The following CA5B variants were observed in gnomAD, a reference collection of about 807,000 sequenced individuals.
CA5B encodes carbonic anhydrase 5B, also known as carbonic anhydrase 5B, mitochondrial.
Under a neutral mutation model 23.1 loss-of-function variants are expected in CA5B, and 15 were observed. That is an observed-to-expected ratio of 0.65 (90% CI 0.43 to 1.00). The LOEUF (loss-of-function observed/expected upper bound fraction) is 1.00, where lower values mean the gene tolerates loss of function less well. CA5B is among the 50% of genes least tolerant of loss of function. The probability of loss-of-function intolerance (pLI) is 0.00; values close to 1 mark genes in which losing one functional copy is unlikely to be tolerated. For missense variants in CA5B, 236 were observed against 252.2 expected (o/e 0.94, Z 0.43); for synonymous variants, 84 against 98.5 (o/e 0.85, Z 0.87).
chrX:15,776,754 T>G lies in CA5B; in HGVS notation c.659T>G (p.Leu220Arg). The part of the protein sequence containing the change: ...VEFGSFDPSC[L>R]MPTCPDYWTY... The stretch of plus-strand genomic sequence containing the variant: ...TTTGGGTCATTTGACCCTTCCTGCC[T>G]GATGCCTACCTGCCCAGATTACTGG... Residue 220 changes from leucine to arginine, a missense_variant, in exon 7 of 8, where the codon CTG becomes CGG. Physicochemically the swap from Leu to Arg is moderately radical, Grantham distance 102. Around this residue, in one of 3 missense-constraint regions of CA5B, gnomAD observed 170 missense variants for 162.0 expected, o/e 1.05. Coordinates refer to ENST00000318636, the MANE Select transcript of CA5B (RefSeq NM_007220.4). 5.8e-6 allele frequency: 7 copies of G among 1,209,948 alleles called. No individual in the cohort carries two copies. Among genetic ancestry groups the G allele is most frequent in the Non-Finnish European group, 6.7e-6 (6 of 893,609 alleles).
chrX:15,776,649 G>A (rs897239778), intron 6 of CA5B, 65 bp from the exon 7 acceptor site: 92 of 906,008 alleles, frequency 1.0e-4, no homozygotes, highest in East Asian at 1.5e-4. Flanking sequence ...CCGTCACCTC[G>A]GCGTCCAATT....
chrX:15,772,557 G>C lies in CA5B; in HGVS notation c.402G>C (p.Gly134=). 1 of 1,208,189 alleles carries C rather than the reference G, an allele frequency of 8.3e-7. No individual in the cohort carries two copies. Among genetic ancestry groups the C allele is most frequent in the Non-Finnish European group, 1.1e-6 (1 of 892,925 alleles). Residue 134 remains glycine, a synonymous_variant, in exon 4 of 8, where the codon GGG becomes GGC. Coordinates refer to ENST00000318636, the MANE Select transcript of CA5B (RefSeq NM_007220.4). ...YRLKQFHFHW[G]AIDAWGSEHT... is the part of the protein sequence containing the mutation. Reference sequence around the variant, plus strand: ...TGAAGCAGTTCCATTTTCACTGGGGGGCCATCGATGCCTGGGGTTCTGAGC... The same window carrying C: ...TGAAGCAGTTCCATTTTCACTGGGGCGCCATCGATGCCTGGGGTTCTGAGC...
At chrX:15,757,898 A>C (rs1931526993) in intron 2 of CA5B, among the ~76,000 whole-genome samples, 2 of 110,997 alleles carry the variant, frequency 1.8e-5, no homozygotes, top group Admixed American at 9.7e-5. Context: ...TTGAACATAG[A>C]AGTTACAACT....
At chrX:15,770,001 C>G (rs911166859) in intron 3 of CA5B, among the ~76,000 whole-genome samples, 1 of 111,962 alleles carries the variant, frequency 8.9e-6, no homozygotes, top group Non-Finnish European at 1.9e-5. Flanking sequence ...AATCCTTTCT[C>G]ATCTTAGAGC....
intron 1 of CA5B, among the ~76,000 whole-genome samples, chrX:15,743,614 C>A (rs2147252042): frequency 8.9e-6 from 1 of 112,336 alleles, no homozygotes; most frequent in East Asian, 2.8e-4. Context: ...TCACTCCCAT[C>A]CATCCCGTAC....
chrX:15,761,574 G>C (rs1217648432), intron 2 of CA5B, among the ~76,000 whole-genome samples: 1 of 112,554 alleles, frequency 8.9e-6, no homozygotes, highest in Non-Finnish European at 1.9e-5. Context: ...ATTGGGTTCA[G>C]ACCTCTCCAG....
rs773857539 is a variant in CA5B at position 15,772,561 on chromosome X, A to G, written c.406A>G (p.Ile136Val). The G allele has an allele frequency of 1.5e-5, 18 of 1,209,055 alleles. No individual in the cohort carries two copies. Among genetic ancestry groups the G allele is most frequent in the East Asian group, 3.0e-5 (1 of 33,794 alleles). ...LKQFHFHWGAIDAWGSEHTVD... is the reference protein window; with the variant it reads ...LKQFHFHWGAVDAWGSEHTVD... ...GCAGTTCCATTTTCACTGGGGGGCC[A>G]TCGATGCCTGGGGTTCTGAGCACAC... The change falls in exon 4 of 8, where the codon ATC becomes GTC. Residue 136 changes from isoleucine to valine, a missense_variant. By Grantham distance (29) the Ile-to-Val change is conservative. Transcript: ENST00000318636.
chrX:15,757,218 AC>A (rs1265010681), intron 2 of CA5B, among the ~76,000 whole-genome samples: 9 of 103,497 alleles, frequency 8.7e-5, no homozygotes, highest in Middle Eastern at 5.1e-3. Context: ...TACTAAAAAT[AC>A]CAAAAATTAG....
rs778118240 is a variant in CA5B, at chrX:15,782,697, C to T, written c.*33C>T. 6 of 1,066,951 alleles carry T rather than the reference C, an allele frequency of 5.6e-6. No individual in the cohort carries two copies. The Admixed American group carries it at 1.4e-4, about 26-fold the overall frequency. 87.9% of individuals were successfully genotyped at this position (1,066,951 alleles called of 1,213,427 possible). ...ATATCTAGGCAGTATTTTGCTTTTG[C>T]TTTAATATATACTAGCTTACTATAA... On this transcript the variant is annotated 3_prime_UTR_variant, in exon 8 of 8. Coordinates refer to ENST00000318636, the MANE Select transcript of CA5B (RefSeq NM_007220.4).
rs147829025 is a variant in CA5B, at chrX:15,778,497, G to A, written c.774+1628G>A. Among the ~76,000 whole-genome samples the A allele has an allele frequency of 6.3e-5, 7 of 111,886 alleles. No homozygotes were observed. In the East Asian group the frequency reaches 1.7e-3, roughly 27 times the overall value. On this transcript the variant is annotated intron_variant, in intron 7 of 7. Transcript: ENST00000318636. ...ATTAAATAGCGTGTTCCTGGCACAT[G>A]GATAAAGAGATCAATCAAGGGAAGT...
chrX:15,764,300 TG>T (rs1931661071), intron 2 of CA5B, among the ~76,000 whole-genome samples: 1 of 108,841 alleles, frequency 9.2e-6, no homozygotes, highest in African/African-American at 3.4e-5. Flanking sequence ...TGGAGTGCAG[TG>T]GTGCTATCAT....
chrX:15,781,935 A>AAAAG (rs1258469734), intron 7 of CA5B, among the ~76,000 whole-genome samples: 1 of 110,266 alleles, frequency 9.1e-6, no homozygotes, highest in African/African-American at 3.3e-5. Context: ...AACAAAAAAA[A>AAAAG]AAAGAAAGAA....
At chrX:15,769,614 T>C in intron 3 of CA5B, 1 of 751,606 alleles carries the variant, frequency 1.3e-6, no homozygotes, top group Non-Finnish European at 1.6e-6. Flanking sequence ...TAAGAATGCT[T>C]TCACAAACAT....
chrX:15,764,800 G>A (rs1208317149), intron 3 of CA5B, 25 bp downstream of exon 3: 8 of 981,435 alleles, frequency 8.2e-6, no homozygotes, highest in Non-Finnish European at 1.1e-5. Flanking sequence ...TGGTGGTCTT[G>A]TAAGGAGTTA....
rs184220366 is a variant in CA5B, at chrX:15,784,627, A to G, written c.*1963A>G. ...ATATGTTTGTCATCTGGTCTGCAAG[A>G]TAGGGTTGGATGAATATACTTAACA... On this transcript the variant is annotated 3_prime_UTR_variant, in exon 8 of 8. Transcript: ENST00000318636. 2 of 112,137 alleles carry G rather than the reference A, an allele frequency of 1.8e-5. No individual in the cohort carries two copies. Among genetic ancestry groups the G allele is most frequent in the East Asian group, 5.6e-4 (2 of 3,600 alleles). The allele number at this position is 112,137 out of a possible 1,213,427, so 9.2% of individuals were successfully genotyped here.
At chrX:15,769,795 G>T (rs1931784339) in intron 3 of CA5B, among the ~76,000 whole-genome samples, 1 of 111,748 alleles carries the variant, frequency 8.9e-6, no homozygotes, top group African/African-American at 3.3e-5. Flanking sequence ...AGCATTCCTT[G>T]TGTCCATTTC....
chrX:15,768,297 C>T (rs1028552496), intron 3 of CA5B, among the ~76,000 whole-genome samples: 3 of 111,065 alleles, frequency 2.7e-5, no homozygotes, highest in Admixed American at 9.6e-5. Flanking sequence ...TATGAGCCAC[C>T]GAGCCAGGCC....
At chrX:15,776,356 AAG>A (rs1446367876) in intron 6 of CA5B, among the ~76,000 whole-genome samples, 1 of 108,325 alleles carries the variant, frequency 9.2e-6, no homozygotes, top group African/African-American at 3.3e-5. Flanking sequence ...AAAAAAAAAA[AAG>A]AAAAAAGAAA....
intron 2 of CA5B, among the ~76,000 whole-genome samples, chrX:15,754,659 A>G (rs1349870103): frequency 8.9e-6 from 1 of 112,787 alleles, no homozygotes; most frequent in Non-Finnish European, 1.9e-5. Context: ...AATTTAGTCT[A>G]ATGGTCACAT....
Sources: gnomAD v4.1 joint callset for allele counts (sites outside exome capture counted in the v4.1 genomes callset) on GRCh38, gnomAD v4.1.1 for gene constraint, gnomAD v4.1.1 regional missense constraint, MANE v1.5 for transcripts, NCBI Gene and HGNC (gene_info 2026-07-23, HGNC 2026-07-21) for gene names.